Variants in ANKRD11 observed in about 807,000 individuals in gnomAD.
ANKRD11 encodes ankyrin repeat domain-containing protein 11.
Under a neutral mutation model 195.7 loss-of-function variants are expected in ANKRD11, and 17 were observed. The ratio of observed to expected loss-of-function variants is 0.09; its 90% CI spans 0.06 to 0.13. ANKRD11 has a LOEUF of 0.13. Ranked by LOEUF, ANKRD11 falls within the 10% of genes least tolerant of loss-of-function variation. The pLI is 1.00. For synonymous variants in ANKRD11, 1,953 were observed against 1,528.1 expected (o/e 1.28, Z -6.49); for missense variants, 3,735 against 3,566.1 (o/e 1.05, Z -1.21).
chr16:89,273,043 C>T (rs950080315), intron 11 of ANKRD11: 1 of 48,592 alleles, frequency 2.1e-5, no homozygotes, highest in African/African-American at 7.6e-5. Context: ...TTAATGGGTA[C>T]CAAAAAAAAA....
At chr16:89,453,039 G>T (rs2044154564) in intron 1 of ANKRD11, among the ~76,000 whole-genome samples, 1 of 152,156 alleles carries the variant, frequency 6.6e-6, no homozygotes. Context: ...TCCTGACTCG[G>T]CCTCCCAAAG....
chr16:89,274,990 C>T (rs779305495), intron 10 of ANKRD11, 33 bp from the exon 11 acceptor site: 1 of 1,612,582 alleles, frequency 6.2e-7, no homozygotes, highest in Non-Finnish European at 8.5e-7. Context: ...TGAGCTGGGA[C>T]ACAGCCACGC....
intron 2 of ANKRD11, among the ~76,000 whole-genome samples, chr16:89,344,315 C>T (rs1042061332): frequency 1.3e-5 from 2 of 152,200 alleles, no homozygotes; most frequent in African/African-American, 2.4e-5. Flanking sequence ...ATTATTTCCA[C>T]ATGGCAAACA....
intron 2 of ANKRD11, among the ~76,000 whole-genome samples, chr16:89,345,552 T>A (rs2038901032): frequency 6.6e-6 from 1 of 152,186 alleles, no homozygotes; most frequent in African/African-American, 2.4e-5. Flanking sequence ...CTGTGAGAAA[T>A]AAATTTCTGT....
At chr16:89,405,774 G>C (rs556384845) in intron 2 of ANKRD11, among the ~76,000 whole-genome samples, 1 of 152,070 alleles carries the variant, frequency 6.6e-6, no homozygotes, top group Non-Finnish European at 1.5e-5. Context: ...GGGGCTTAGG[G>C]GTCAAATTCC....
rs2034816601 is a variant in ANKRD11, at chr16:89,288,629, C to T, written c.643G>A (p.Asp215Asn). The change falls in exon 7 of 13, where the codon GAC (aspartate) becomes AAC (asparagine). Residue 215 changes from aspartate (D) to asparagine (N), a missense_variant. Physicochemically the swap from Asp to Asn is conservative, Grantham distance 23. Coordinates refer to ENST00000301030, the MANE Select transcript of ANKRD11 (RefSeq NM_013275.6). ...LHEACNRGYY[D>N]VAKQLLAAGA... ...GCAGCCAGCAGCTGCTTCGCGACGT[C>T]GTAGTAGCCCCGGTTACAGGCCTCG... The T allele has an allele frequency of 6.2e-7, 1 of 1,614,088 alleles. No homozygotes were observed. The highest frequency in any genetic ancestry group is 8.5e-7 in the Non-Finnish European group (1 of 1,180,046).
intron 2 of ANKRD11, among the ~76,000 whole-genome samples, chr16:89,350,544 C>G (rs1468559381): frequency 6.6e-6 from 1 of 152,178 alleles, no homozygotes; most frequent in Non-Finnish European, 1.5e-5. Context: ...ACACCAGACA[C>G]AAGAGTCCAC....
chr16:89,414,964 G>T (rs1169064763), intron 2 of ANKRD11, among the ~76,000 whole-genome samples: 2 of 152,022 alleles, frequency 1.3e-5, no homozygotes, highest in Non-Finnish European at 2.9e-5. Context: ...TCTTTATTTG[G>T]GACAGGGTCT....
At position 89,283,539 on chromosome 16, in the gene ANKRD11, T is replaced by C. The variant is rs746508143; in HGVS notation, c.3003A>G (p.Glu1001=). 3.1e-6 allele frequency: 5 copies of C among 1,612,880 alleles called. No individual in the cohort carries two copies. The East Asian group carries it at 8.9e-5, about 29-fold the overall frequency. Residue 1001 remains glutamate, a synonymous_variant, in exon 9 of 13, where the codon GAA becomes GAG. Transcript: ENST00000301030. This position sits in a 1 kb window ranked among gnomAD's most constrained non-coding sequence, Gnocchi z 4.3. ...GDFGKGLEPW[E]RHHPAREKEK... ...CCTTCTCTCGTGCTGGGTGGTGCCG[T>C]TCCCACGGCTCCAGGCCCTTCCCAA...
In ANKRD11 at chr16:89,353,104, G is replaced by A. The variant is rs187828989; in HGVS notation, c.-59-36026C>T. On this transcript the variant is annotated intron_variant, in intron 2 of 12. Transcript: ENST00000301030. ...CCTGTAATTAATCCCAGCACTTTGGGAGGCCAAGGCAGGTGGATCATGAGG... is the reference window on the plus strand; with the variant it reads ...CCTGTAATTAATCCCAGCACTTTGGAAGGCCAAGGCAGGTGGATCATGAGG... 1.1e-4 allele frequency among the ~76,000 whole-genome samples: 16 copies of A among 152,322 alleles called. No homozygotes were observed. The East Asian group carries it at 2.7e-3, about 26-fold the overall frequency.
At chr16:89,269,173 G>C (rs1002510375) in intron 12 of ANKRD11, among the ~76,000 whole-genome samples, 1 of 152,162 alleles carries the variant, frequency 6.6e-6, no homozygotes, top group African/African-American at 2.4e-5. Context: ...CAACCGTGTA[G>C]AGAATCTTTT....
At chr16:89,324,966 A>C (rs191905669) in intron 2 of ANKRD11, 126 of 169,576 alleles carry the variant, frequency 7.4e-4, no homozygotes, top group Non-Finnish European at 1.2e-3. Flanking sequence ...ACTCGTACAC[A>C]CAAGTACTGG....
At chr16:89,489,733 CG>C (rs1326738546) in intron 1 of ANKRD11, among the ~76,000 whole-genome samples, 1 of 149,762 alleles carries the variant, frequency 6.7e-6, no homozygotes, top group East Asian at 2.0e-4. Context: ...CCTGCAGGCC[CG>C]CCCCGAAGCC....
intron 7 of ANKRD11, chr16:89,287,058 G>A: frequency 7.8e-7 from 1 of 1,289,824 alleles, no homozygotes; most frequent in Non-Finnish European, 1.0e-6. Flanking sequence ...CAATTGTGGA[G>A]GTCAGAGGTC....
chr16:89,427,490 G>C (rs2042763584), intron 1 of ANKRD11, among the ~76,000 whole-genome samples: 1 of 152,166 alleles, frequency 6.6e-6, no homozygotes, highest in Non-Finnish European at 1.5e-5. Flanking sequence ...TTTCAGAGTA[G>C]AAAAGACATA....
intron 2 of ANKRD11, among the ~76,000 whole-genome samples, chr16:89,415,097 A>G (rs1289295995): frequency 1.3e-5 from 2 of 151,722 alleles, no homozygotes; most frequent in African/African-American, 4.8e-5. Flanking sequence ...CCACAGGCGC[A>G]TGCATGCCAC....
chr16:89,446,924 G>A lies in ANKRD11; in HGVS notation c.-144-28556C>T, dbSNP rs191113362. Among the ~76,000 whole-genome samples, 285 of 152,166 alleles carry A rather than the reference G, an allele frequency of 1.9e-3. 4 individuals carry two copies. Among genetic ancestry groups the A allele is most frequent in the African/African-American group, 6.3e-3 (262 of 41,516 alleles). On this transcript the variant is annotated intron_variant, in intron 1 of 12. Transcript: ENST00000301030. ...ACACCCTCTGTCCCTGCAGTTCCAG[G>A]GACAGCCGAGGTGTTCTCACTCTGC... is the stretch of plus-strand genomic sequence containing the variant.
At chr16:89,393,184 T>C (rs548331540) in intron 2 of ANKRD11, among the ~76,000 whole-genome samples, 2 of 152,136 alleles carry the variant, frequency 1.3e-5, no homozygotes, top group African/African-American at 4.8e-5. Flanking sequence ...ACATCATAAA[T>C]ACCTTGAGAG....
At chr16:89,318,137 G>A (rs751728530) in intron 2 of ANKRD11, among the ~76,000 whole-genome samples, 4 of 152,178 alleles carry the variant, frequency 2.6e-5, no homozygotes, top group Non-Finnish European at 5.9e-5. Context: ...GCCCCTCTGC[G>A]ACACACGGTG....
Sources: allele counts gnomAD v4.1 joint callset (sites outside exome capture counted in the v4.1 genomes callset), GRCh38; gene constraint gnomAD v4.1.1; non-coding constraint Gnocchi (gnomAD v3.1); transcripts MANE v1.5; gene names NCBI Gene and HGNC (gene_info 2026-07-23, HGNC 2026-07-21).